PBX4: variants seen among roughly 807,000 people sequenced by gnomAD.
PBX4 encodes PBX homeobox 4.
Under a neutral mutation model 35.1 loss-of-function variants are expected in PBX4, and 26 were observed. The observed-to-expected ratio is 0.74, with a 90% CI of 0.54 to 1.03. PBX4 has a LOEUF of 1.03. PBX4 is among the 50% of genes least tolerant of loss of function. PBX4 has a pLI of 0.00. For missense variants in PBX4, 448 were observed against 504.3 expected (o/e 0.89, Z 1.07); for synonymous variants, 199 against 204.2 (o/e 0.97, Z 0.22).
At chr19:19,565,515 A>G (rs908828544) in intron 5 of PBX4, among the ~76,000 whole-genome samples, 3 of 152,202 alleles carry the variant, frequency 2.0e-5, no homozygotes, top group African/African-American at 7.2e-5. Flanking sequence ...TCGAATCCCA[A>G]ACTTATCAAA....
chr19:19,586,403 A>G (rs1193515167), intron 2 of PBX4, among the ~76,000 whole-genome samples: 4 of 152,130 alleles, frequency 2.6e-5, no homozygotes, highest in African/African-American at 9.7e-5. Flanking sequence ...TTTGAGACAG[A>G]GCAAGACCCT....
At chr19:19,606,044 GGACT>G (rs1419555617) in intron 1 of PBX4, among the ~76,000 whole-genome samples, 1 of 152,040 alleles carries the variant, frequency 6.6e-6, no homozygotes, top group East Asian at 1.9e-4. Context: ...GAGGAAAAGG[GGACT>G]GACTAGTGAG....
At chr19:19,601,364 C>T (rs889898175) in intron 1 of PBX4, among the ~76,000 whole-genome samples, 3 of 152,010 alleles carry the variant, frequency 2.0e-5, no homozygotes, top group Non-Finnish European at 2.9e-5. Flanking sequence ...GAGAGAGCTA[C>T]GAGAAGTTAG....
intron 1 of PBX4, among the ~76,000 whole-genome samples, chr19:19,610,306 G>A (rs1405695014): frequency 2.0e-5 from 3 of 151,984 alleles, no homozygotes; most frequent in Admixed American, 6.6e-5. Flanking sequence ...CCAGCTACTC[G>A]GAAGGCTGAG....
At chr19:19,600,626 C>T (rs936652266) in intron 1 of PBX4, among the ~76,000 whole-genome samples, 5 of 151,860 alleles carry the variant, frequency 3.3e-5, no homozygotes, top group Non-Finnish European at 1.5e-5. Context: ...TGAGACCAGC[C>T]TGGCCAACAT....
intron 2 of PBX4, among the ~76,000 whole-genome samples, chr19:19,582,771 A>C (rs2061463588): frequency 6.6e-6 from 1 of 152,194 alleles, no homozygotes; most frequent in African/African-American, 2.4e-5. Context: ...GCACACTGTA[A>C]CGCATGCCCA....
At chr19:19,570,947 G>A (rs193136831) in intron 2 of PBX4, 114 bp from the exon 3 acceptor site, 796 of 1,370,616 alleles carry the variant, frequency 5.8e-4, no homozygotes, top group Middle Eastern at 2.1e-3. Context: ...AACCCTTCGG[G>A]AGAAAGGAAT....
rs1041054307 is a variant in PBX4, at chr19:19,593,691, G to C, written c.193+5601C>G. ...GAGGAGCAGTTGCTGTCTCATCCCT[G>C]TCCTACTGTACCCCAAAACATACCC... On this transcript the variant is annotated intron_variant, in intron 2 of 7. Transcript: ENST00000251203. 2.6e-5 allele frequency among the ~76,000 whole-genome samples: 4 copies of C among 152,254 alleles called. No homozygotes were observed. The East Asian group carries it at 7.7e-4, about 29-fold the overall frequency.
chr19:19,614,214 C>T (rs1267948892), intron 1 of PBX4, among the ~76,000 whole-genome samples: 5 of 151,768 alleles, frequency 3.3e-5, no homozygotes, highest in African/African-American at 1.2e-4. Flanking sequence ...AGGCTGTAGT[C>T]CCAGCTACTT....
chr19:19,568,224 A>G (rs1858941297), intron 5 of PBX4, among the ~76,000 whole-genome samples: 1 of 141,928 alleles, frequency 7.0e-6, no homozygotes. Context: ...GGGAGCTCAC[A>G]CTCCATCTGT....
At chr19:19,577,655 T>C (rs2061428467) in intron 2 of PBX4, among the ~76,000 whole-genome samples, 1 of 150,476 alleles carries the variant, frequency 6.6e-6, no homozygotes, top group Admixed American at 6.6e-5. Flanking sequence ...GGTCAAGAGG[T>C]CGAGACCATC....
intron 2 of PBX4, among the ~76,000 whole-genome samples, chr19:19,571,959 G>C (rs2061386085): frequency 6.7e-6 from 1 of 149,732 alleles, no homozygotes; most frequent in African/African-American, 2.5e-5. Flanking sequence ...CTTGAACCTG[G>C]GAGGCAGAGG....
chr19:19,583,273 C>T (rs538082803), intron 2 of PBX4, among the ~76,000 whole-genome samples: 3 of 151,298 alleles, frequency 2.0e-5, no homozygotes, highest in South Asian at 2.1e-4. Context: ...AGCGAGACTC[C>T]GTCTCAAAAA....
chr19:19,606,261 T>C (rs2061630718), intron 1 of PBX4: 1 of 152,222 alleles, frequency 6.6e-6, no homozygotes, highest in Non-Finnish European at 1.5e-5. Context: ...AGTCACCCAC[T>C]GGCACCAGCT....
chr19:19,610,173 G>A (rs1164007143), intron 1 of PBX4, among the ~76,000 whole-genome samples: 2 of 152,190 alleles, frequency 1.3e-5, no homozygotes, highest in African/African-American at 4.8e-5. Context: ...CACCACTTTG[G>A]GAGGCTGAGA....
chr19:19,574,617 G>C (rs1262941834), intron 2 of PBX4, among the ~76,000 whole-genome samples: 2 of 151,396 alleles, frequency 1.3e-5, no homozygotes, highest in Non-Finnish European at 2.9e-5. Flanking sequence ...CAGTTTGGTG[G>C]CCCAATTTTC....
chr19:19,564,255 T>C (rs931944072), intron 6 of PBX4, among the ~76,000 whole-genome samples: 2 of 150,426 alleles, frequency 1.3e-5, no homozygotes, highest in African/African-American at 4.9e-5. Flanking sequence ...TGGTTTTTTG[T>C]TCTTGCGATA....
At chr19:19,575,294 CATG>C (rs1256514988) in intron 2 of PBX4, among the ~76,000 whole-genome samples, 1 of 50,116 alleles carries the variant, frequency 2.0e-5, no homozygotes, top group Non-Finnish European at 4.1e-5. Flanking sequence ...TGCCAGCACC[CATG>C]AGCGAGGACA....
At chr19:19,596,979 A>G (rs571227684) in intron 2 of PBX4, among the ~76,000 whole-genome samples, 37 of 151,526 alleles carry the variant, frequency 2.4e-4, no homozygotes, top group South Asian at 1.9e-3. Flanking sequence ...GGAGGCAGAC[A>G]GGCAGGCGGA....
Sources: gnomAD v4.1 joint callset for allele counts (sites outside exome capture counted in the v4.1 genomes callset) on GRCh38, gnomAD v4.1.1 for gene constraint, MANE v1.5 for transcripts, NCBI Gene and HGNC (gene_info 2026-07-23, HGNC 2026-07-21) for gene names.